The following TRPM3 variants were observed in gnomAD, a reference collection of about 807,000 sequenced individuals.
The protein encoded by TRPM3 is transient receptor potential cation channel subfamily M member 3.
In TRPM3, 77 loss-of-function variants were observed where a neutral mutation model predicts 181.2. That is an observed-to-expected ratio of 0.42 (90% confidence interval 0.35 to 0.51). The LOEUF is 0.51. TRPM3 is among the 20% of genes least tolerant of loss of function. The pLI is 0.01. For synonymous variants in TRPM3, 745 were observed against 796.4 expected (o/e 0.94, Z 1.09); for missense variants, 1,759 against 2,196.7 (o/e 0.80, Z 3.98).
chr9:71,218,273 CAAT>C (rs2080020682), intron 1 of TRPM3, among the ~76,000 whole-genome samples: 1 of 152,162 alleles, frequency 6.6e-6, no homozygotes, highest in Non-Finnish European at 1.5e-5. Flanking sequence ...TCAAAAACAA[CAAT>C]GACAACGCAC....
intron 7 of TRPM3, among the ~76,000 whole-genome samples, chr9:70,771,688 T>G (rs997452198): frequency 6.6e-6 from 1 of 152,182 alleles, no homozygotes; most frequent in Non-Finnish European, 1.5e-5. Context: ...AAGAAAATCC[T>G]CACCAGGCTG....
At chr9:70,758,063 T>C (rs541921096) in intron 8 of TRPM3, among the ~76,000 whole-genome samples, 2 of 152,322 alleles carry the variant, frequency 1.3e-5, no homozygotes, top group South Asian at 2.1e-4. Flanking sequence ...CATGACATGA[T>C]TGTATGTTTA....
chr9:71,271,328 G>C (rs942266989), intron 1 of TRPM3, among the ~76,000 whole-genome samples: 1 of 151,942 alleles, frequency 6.6e-6, no homozygotes, highest in African/African-American at 2.4e-5. Flanking sequence ...CTTCTTACTG[G>C]AATGTAGTTC....
intron 1 of TRPM3, among the ~76,000 whole-genome samples, chr9:71,018,306 A>G (rs1219918076): frequency 6.6e-6 from 1 of 151,784 alleles, no homozygotes; most frequent in Non-Finnish European, 1.5e-5. Flanking sequence ...AATAAAAAAG[A>G]AAAAAGGAAA....
intron 1 of TRPM3, among the ~76,000 whole-genome samples, chr9:71,420,713 A>AG (rs1565556846): frequency 1.5e-4 from 3 of 20,618 alleles, no homozygotes; most frequent in Admixed American, 5.7e-4. Flanking sequence ...GAGAGAAAGA[A>AG]AGAGAGAAAG....
intron 1 of TRPM3, among the ~76,000 whole-genome samples, chr9:70,876,683 A>C (rs957814776): frequency 5.9e-5 from 9 of 151,890 alleles, no homozygotes; most frequent in African/African-American, 2.2e-4. Flanking sequence ...CTAATCTCTG[A>C]ATATTTGTTG....
chr9:70,635,341 G>C, intron 11 of TRPM3, 80 bp from the exon 12 acceptor site: 1 of 1,293,402 alleles, frequency 7.7e-7, no homozygotes, highest in South Asian at 1.2e-5. Flanking sequence ...CTAGAAGGAA[G>C]GGTGCTGGCT....
chr9:71,205,683 T>A (rs189933082), intron 1 of TRPM3, among the ~76,000 whole-genome samples: 71 of 152,224 alleles, frequency 4.7e-4, no homozygotes, highest in Non-Finnish European at 4.4e-4. Context: ...ATCTACTATG[T>A]AGTCAGAAAG....
chr9:70,885,168 C>A (rs919301344), intron 1 of TRPM3, among the ~76,000 whole-genome samples: 1 of 152,144 alleles, frequency 6.6e-6, no homozygotes, highest in African/African-American at 2.4e-5. Context: ...CTTGACGGTG[C>A]CATAAGAAGT....
intron 1 of TRPM3, among the ~76,000 whole-genome samples, chr9:71,284,971 C>T (rs2085158213): frequency 6.6e-6 from 1 of 152,144 alleles, no homozygotes; most frequent in African/African-American, 2.4e-5. Context: ...AGCTGCAATT[C>T]TCAAACATTT....
Position 70,533,499 on chromosome 9 carries a change from C to T in TRPM3, c.*2454G>A, listed in dbSNP as rs192915348. On this transcript the variant is annotated 3_prime_UTR_variant, in exon 26 of 26. Coordinates refer to ENST00000677713, the MANE Select transcript of TRPM3 (RefSeq NM_001366145.2). ...GTGCCTATTACAACTGCATTAACTACGAGCAAACATGGTTCCTTTCCCTCA... is the reference window on the plus strand; with the variant it reads ...GTGCCTATTACAACTGCATTAACTATGAGCAAACATGGTTCCTTTCCCTCA... 17 of 152,308 alleles carry T rather than the reference C, an allele frequency of 1.1e-4. No homozygotes were observed. The highest frequency in any genetic ancestry group is 2.4e-4 in the African/African-American group (10 of 41,568). The allele number at this position is 152,308 out of a possible 1,614,324, so 9.4% of individuals were successfully genotyped here.
chr9:71,181,326 T>C (rs1194152784), intron 1 of TRPM3, among the ~76,000 whole-genome samples: 1 of 151,566 alleles, frequency 6.6e-6, no homozygotes, highest in African/African-American at 2.4e-5. Context: ...TTAATAAAAA[T>C]ATTTGTTTTG....
intron 1 of TRPM3, among the ~76,000 whole-genome samples, chr9:71,081,680 C>T (rs573711442): frequency 2.0e-5 from 3 of 152,252 alleles, no homozygotes; most frequent in African/African-American, 7.2e-5. Flanking sequence ...TACACACACA[C>T]ATACACACAC....
intron 1 of TRPM3, among the ~76,000 whole-genome samples, chr9:71,356,416 C>T (rs10869014): frequency 0.48 from 72,555 of 151,718 alleles, 17,751 homozygotes; most frequent in African/African-American, 0.57. Context: ...CTGTGACCCA[C>T]ACAACCCATA....
rs376321518 is a variant in TRPM3 at position 71,145,094 on chromosome 9, T to A, written c.184-280583A>T. Among the ~76,000 whole-genome samples, 8 of 152,290 alleles carry A rather than the reference T, an allele frequency of 5.3e-5. No individual in the cohort carries two copies. In the East Asian group the frequency reaches 1.5e-3, roughly 29 times the overall value. On this transcript the variant is annotated intron_variant, in intron 1 of 24. Coordinates refer to the TRPM3 transcript ENST00000357533. ...AAACTTGACAGTAAATAACAAATTA[T>A]GAAATGTTTTGAATATTATTCTTAG...
At chr9:71,042,160 AT>A (rs979187032) in intron 1 of TRPM3, among the ~76,000 whole-genome samples, 1 of 151,970 alleles carries the variant, frequency 6.6e-6, no homozygotes, top group African/African-American at 2.4e-5. Flanking sequence ...TTCCATAACC[AT>A]TTCCTAAAGT....
At chr9:71,133,384 TCC>T (rs1487783104) in intron 1 of TRPM3, among the ~76,000 whole-genome samples, 1 of 137,330 alleles carries the variant, frequency 7.3e-6, no homozygotes, top group Non-Finnish European at 1.5e-5. Context: ...AACCTCTGCC[TCC>T]CAGATTCAAT....
intron 1 of TRPM3, among the ~76,000 whole-genome samples, chr9:71,329,588 A>G (rs574680087): frequency 1.3e-5 from 2 of 152,334 alleles, no homozygotes; most frequent in South Asian, 2.1e-4. Flanking sequence ...ACAGGTTACA[A>G]TAAGTGTTGA....
At chr9:70,749,207 T>C (rs1207160575) in intron 8 of TRPM3, among the ~76,000 whole-genome samples, 2 of 152,184 alleles carry the variant, frequency 1.3e-5, no homozygotes, top group African/African-American at 2.4e-5. Context: ...ATTTTCATTC[T>C]TGTGTATCCT....
Sources: gnomAD v4.1 joint callset for allele counts (sites outside exome capture counted in the v4.1 genomes callset) on GRCh38, gnomAD v4.1.1 for gene constraint, MANE v1.5 for transcripts, NCBI Gene and HGNC (gene_info 2026-07-23, HGNC 2026-07-21) for gene names.